CFAP299: variants seen among roughly 807,000 people sequenced by gnomAD.
CFAP299 encodes cilia and flagella associated protein 299.
CFAP299 carries 21 observed loss-of-function variants against 27.0 expected under a neutral mutation model. That is an observed-to-expected ratio of 0.78 (90% CI 0.55 to 1.12). The LOEUF (loss-of-function observed/expected upper bound fraction) is 1.12, where lower values mean the gene tolerates loss of function less well. Among genes scored for constraint, CFAP299 ranks in the 50% most tolerant of loss-of-function variants. CFAP299 has a pLI of 0.00. For synonymous variants in CFAP299, 104 were observed against 98.1 expected (o/e 1.06, Z -0.36); for missense variants, 310 against 276.6 (o/e 1.12, Z -0.86).
chr4:80,736,498 C>T lies in CFAP299; in HGVS notation c.334-133495C>T, dbSNP rs566701204. On this transcript the variant is annotated intron_variant, in intron 3 of 5. Transcript: ENST00000358105. ...AAAAACAACCCCATCAAAAAGTGGG[C>T]GAAGGACATGAACAGACACTTCTCA... Among the ~76,000 whole-genome samples the T allele has an allele frequency of 7.4e-4, 113 of 151,752 alleles. 2 individuals carry two copies. The highest frequency in any genetic ancestry group is 2.0e-3 in the African/African-American group (84 of 41,426).
chr4:80,324,725 C>T, the CFAP299 span, among the ~76,000 whole-genome samples: 6 of 152,122 alleles, frequency 3.9e-5, no homozygotes, highest in Non-Finnish European at 5.9e-5. Context: ...AATCAACAAT[C>T]TTTTTTAACA....
Position 80,870,044 on chromosome 4 carries a change from T to C in CFAP299, c.385T>C (p.Tyr129His). The change falls in exon 4 of 6, where the codon TAC becomes CAC. Residue 129 changes from tyrosine to histidine, a missense_variant. Transcript: ENST00000358105. ...RNSHGQEISG[Y>H]IDYAHRLKTE... Reference sequence around the variant, plus strand: ...TTCTCATGGGCAAGAGATATCAGGATACATCGACTATGCCCACAGGCTAAA... The same window carrying C: ...TTCTCATGGGCAAGAGATATCAGGACACATCGACTATGCCCACAGGCTAAA... 1.2e-6 allele frequency: 2 copies of C among 1,613,742 alleles called. No homozygotes were observed. Among genetic ancestry groups the C allele is most frequent in the Non-Finnish European group, 1.7e-6 (2 of 1,179,710 alleles).
intron 4 of CFAP299, among the ~76,000 whole-genome samples, chr4:80,928,409 A>G (rs1239206880): frequency 2.0e-5 from 3 of 152,116 alleles, no homozygotes; most frequent in Non-Finnish European, 4.4e-5. Context: ...TGTCATGTCC[A>G]GTCATGACTG....
At chr4:80,488,808 T>C (rs1224867644) in intron 2 of CFAP299, among the ~76,000 whole-genome samples, 1 of 152,194 alleles carries the variant, frequency 6.6e-6, no homozygotes, top group Non-Finnish European at 1.5e-5. Context: ...TGTTATATTT[T>C]ATGCAAAGGA....
At chr4:80,686,058 T>C (rs1720169238) in intron 3 of CFAP299, among the ~76,000 whole-genome samples, 1 of 152,066 alleles carries the variant, frequency 6.6e-6, no homozygotes, top group Admixed American at 6.6e-5. Flanking sequence ...CACAGTTTAA[T>C]TGAAAATTTA....
intron 3 of CFAP299, among the ~76,000 whole-genome samples, chr4:80,641,041 A>G (rs534037132): frequency 7.9e-5 from 12 of 152,156 alleles, no homozygotes; most frequent in Admixed American, 2.0e-4. Flanking sequence ...ATGAATTTGA[A>G]TAACTTTATC....
At chr4:80,708,497 C>T (rs191406046) in intron 3 of CFAP299, among the ~76,000 whole-genome samples, 14 of 152,110 alleles carry the variant, frequency 9.2e-5, no homozygotes, top group Non-Finnish European at 1.6e-4. Flanking sequence ...TTATACTCTT[C>T]GTATACAAAT....
At chr4:80,545,944 C>T (rs1734207673) in intron 2 of CFAP299, among the ~76,000 whole-genome samples, 1 of 152,160 alleles carries the variant, frequency 6.6e-6, no homozygotes, top group Admixed American at 6.6e-5. Flanking sequence ...AAGATCGGTT[C>T]AGCATACACA....
chr4:80,594,852 T>A (rs970919216), intron 3 of CFAP299, among the ~76,000 whole-genome samples: 3 of 152,202 alleles, frequency 2.0e-5, no homozygotes, highest in Admixed American at 1.3e-4. Flanking sequence ...ACACAAAAGC[T>A]GACTGTTACC....
chr4:80,724,437 T>A (rs1050030778), intron 3 of CFAP299, among the ~76,000 whole-genome samples: 7 of 152,044 alleles, frequency 4.6e-5, no homozygotes, highest in Non-Finnish European at 8.8e-5. Flanking sequence ...AAATGATTAC[T>A]CATTTAAAAA....
intron 2 of CFAP299, among the ~76,000 whole-genome samples, chr4:80,530,702 C>T (rs983323265): frequency 1.3e-5 from 2 of 152,126 alleles, no homozygotes; most frequent in African/African-American, 4.8e-5. Context: ...GGTATGCTGT[C>T]ATTATTTCAT....
intron 3 of CFAP299, among the ~76,000 whole-genome samples, chr4:80,672,246 C>T (rs1171513962): frequency 6.6e-6 from 1 of 152,190 alleles, no homozygotes; most frequent in Admixed American, 6.5e-5. Flanking sequence ...GTCTTTTCTG[C>T]ATCTATTGAG....
At chr4:80,412,277 T>TG (rs1380014332) in intron 2 of CFAP299, among the ~76,000 whole-genome samples, 2 of 151,636 alleles carry the variant, frequency 1.3e-5, no homozygotes, top group Non-Finnish European at 2.9e-5. Flanking sequence ...ATAGTCCTTT[T>TG]TTTTTTTTGC....
At chr4:80,528,455 C>T (rs929472376) in intron 2 of CFAP299, among the ~76,000 whole-genome samples, 3 of 152,070 alleles carry the variant, frequency 2.0e-5, no homozygotes, top group Admixed American at 6.6e-5. Flanking sequence ...TGGCTAGATT[C>T]TCCTTTAGTT....
At chr4:80,881,328 A>G (rs1181146490) in intron 4 of CFAP299, among the ~76,000 whole-genome samples, 2 of 152,168 alleles carry the variant, frequency 1.3e-5, no homozygotes, top group Non-Finnish European at 2.9e-5. Flanking sequence ...ATCTCCTGCA[A>G]CTCAGAGTGC....
intron 2 of CFAP299, among the ~76,000 whole-genome samples, chr4:80,544,112 A>G (rs1251157281): frequency 2.0e-5 from 3 of 152,212 alleles, no homozygotes; most frequent in African/African-American, 4.8e-5. Context: ...ACCAAACTTT[A>G]TAAGCAAAGG....
chr4:80,646,982 AGAGAGAGTGTGTGT>A lies in CFAP299; in HGVS notation c.333+63801_333+63814del, dbSNP rs774199111. Among the ~76,000 whole-genome samples, 171 of 65,868 alleles carry A rather than the reference AGAGAGAGTGTGTGT, an allele frequency of 2.6e-3. 1 individual carries two copies. The highest frequency in any genetic ancestry group is 5.3e-3 in the African/African-American group (149 of 28,040). 43.2% of individuals were successfully genotyped at this position (65,868 alleles called of 152,430 possible). A position where few individuals can be genotyped will look rare whatever the true frequency, so the allele number is the denominator to read the frequency against. The stretch of plus-strand genomic sequence containing the variant: ...TTCCAATTCTTTGAGAGAGAGAGAG[AGAGAGAGTGTGTGT>A]GTGTGTGTGTGTGTGTGTGTGTATT... On this transcript the variant is annotated intron_variant, in intron 3 of 5. Coordinates refer to ENST00000358105, the MANE Select transcript of CFAP299 (RefSeq NM_152770.3).
intron 3 of CFAP299, among the ~76,000 whole-genome samples, chr4:80,845,585 T>C (rs958769264): frequency 1.3e-5 from 2 of 152,172 alleles, no homozygotes; most frequent in East Asian, 1.9e-4. Flanking sequence ...TGCTATTCCC[T>C]TTGCCTGGAA....
At chr4:80,857,940 T>C (rs1464362806) in intron 3 of CFAP299, among the ~76,000 whole-genome samples, 1 of 152,090 alleles carries the variant, frequency 6.6e-6, no homozygotes, top group African/African-American at 2.4e-5. Context: ...TTAGGGAGGA[T>C]TCCCTCTTTT....
Sources: gnomAD v4.1 joint callset for allele counts (sites outside exome capture counted in the v4.1 genomes callset) on GRCh38, gnomAD v4.1.1 for gene constraint, MANE v1.5 for transcripts, NCBI Gene and HGNC (gene_info 2026-07-23, HGNC 2026-07-21) for gene names.